Variants in SLC8A1 observed in about 807,000 individuals in gnomAD.
The protein encoded by SLC8A1 is solute carrier family 8 member A1, also known as sodium/calcium exchanger 1.
Under a neutral mutation model 68.3 loss-of-function variants are expected in SLC8A1, and 18 were observed. That is an observed-to-expected ratio of 0.26 (90% CI 0.18 to 0.39). The LOEUF (loss-of-function observed/expected upper bound fraction) is 0.39. SLC8A1 is among the 10% of genes least tolerant of loss of function. SLC8A1 has a pLI of 1.00. For synonymous variants in SLC8A1, 475 were observed against 415.5 expected, an observed-to-expected ratio of 1.14 and a Z score of -1.74; for missense variants, 985 against 1,156.7, an observed-to-expected ratio of 0.85 and a Z score of 2.15.
chr2:40,418,387 C>T (rs1217282688), intron 2 of SLC8A1, among the ~76,000 whole-genome samples: 2 of 152,248 alleles, frequency 1.3e-5, no homozygotes, highest in African/African-American at 4.8e-5. Flanking sequence ...AAGGGTTCTT[C>T]TTTGCATAAT....
At chr2:40,165,705 C>T (rs1056037953) in intron 4 of SLC8A1, among the ~76,000 whole-genome samples, 8 of 152,208 alleles carry the variant, frequency 5.3e-5, no homozygotes, top group Non-Finnish European at 1.2e-4. Flanking sequence ...CATGTGAGCA[C>T]AATTATTTCC....
chr2:40,276,942 C>T (rs754936112), intron 2 of SLC8A1, among the ~76,000 whole-genome samples: 2 of 152,062 alleles, frequency 1.3e-5, no homozygotes, highest in Admixed American at 6.6e-5. Context: ...AGGCTTGAGT[C>T]GAATGACCAA....
chr2:40,393,281 C>T (rs982506861), intron 2 of SLC8A1, among the ~76,000 whole-genome samples: 12 of 152,004 alleles, frequency 7.9e-5, no homozygotes, highest in African/African-American at 1.2e-4. Context: ...GGAAAAAAAT[C>T]CCAACAGCTA....
chr2:40,151,733 C>A (rs935529935), intron 6 of SLC8A1, among the ~76,000 whole-genome samples: 4 of 152,126 alleles, frequency 2.6e-5, no homozygotes, highest in African/African-American at 9.7e-5. Context: ...TAGTTATGAT[C>A]TTCCAGTTGC....
At chr2:40,304,693 C>T (rs2072233019) in intron 2 of SLC8A1, among the ~76,000 whole-genome samples, 1 of 152,138 alleles carries the variant, frequency 6.6e-6, no homozygotes, top group Admixed American at 6.5e-5. Context: ...TCATGTGCTG[C>T]CGTGTCTGCT....
chr2:40,126,486 G>A (rs1454118315), intron 7 of SLC8A1, among the ~76,000 whole-genome samples: 1 of 152,146 alleles, frequency 6.6e-6, no homozygotes, highest in African/African-American at 2.4e-5. Context: ...GCTGAGAACA[G>A]AGGTGGTAGG....
At chr2:40,494,713 C>A (rs1240686580) in intron 1 of SLC8A1, among the ~76,000 whole-genome samples, 2 of 124,236 alleles carry the variant, frequency 1.6e-5, no homozygotes, top group Non-Finnish European at 3.3e-5. Flanking sequence ...TTGTTTTGTT[C>A]CATTTTTTCT....
rs1676816599 is a variant in SLC8A1, at chr2:40,368,021, A to G, written c.1808+60452T>C. Among the ~76,000 whole-genome samples the G allele has an allele frequency of 2.0e-5, 3 of 152,090 alleles. No homozygotes were observed. In the South Asian group the frequency reaches 6.2e-4, roughly 31 times the overall value. ...AGGTCAAGTGTTTCAGCCTGTTAAC[A>G]ACATGTTGAATTTTTAATCTATCAT... On this transcript the variant is annotated intron_variant, in intron 2 of 7. Transcript: ENST00000406785.
At chr2:40,280,882 A>T (rs889322109) in intron 2 of SLC8A1, among the ~76,000 whole-genome samples, 1 of 152,236 alleles carries the variant, frequency 6.6e-6, no homozygotes, top group Non-Finnish European at 1.5e-5. Flanking sequence ...ACATGACTTC[A>T]GTTCTCTCAA....
At chr2:40,274,849 T>G (rs1198764368) in intron 2 of SLC8A1, among the ~76,000 whole-genome samples, 2 of 152,218 alleles carry the variant, frequency 1.3e-5, no homozygotes, top group Admixed American at 1.3e-4. Flanking sequence ...TCTCTCTCTG[T>G]AAATGGATAA....
rs553560511 is a variant in SLC8A1 at position 40,303,168 on chromosome 2, G to A, written c.1808+125305C>T. ...AAGTACAATTCTCAGCTGACCATAC[G>A]CTGCTATGTTCATTCAATTTAAAAA... On this transcript the variant is annotated intron_variant, in intron 2 of 7. Transcript: ENST00000406785. 7.4e-4 allele frequency among the ~76,000 whole-genome samples: 113 copies of A among 152,236 alleles called. 1 individual carries two copies. The highest frequency in any genetic ancestry group is 3.4e-3 in the Middle Eastern group (1 of 294).
chr2:40,293,121 A>G (rs2069642763), intron 2 of SLC8A1, among the ~76,000 whole-genome samples: 1 of 152,000 alleles, frequency 6.6e-6, no homozygotes, highest in African/African-American at 2.4e-5. Context: ...CTTTTCCTCC[A>G]CTGTTCATTT....
At chr2:40,195,806 T>A (rs2052865164) in intron 2 of SLC8A1, 1 of 152,076 alleles carries the variant, frequency 6.6e-6, no homozygotes, top group Non-Finnish European at 1.5e-5. Flanking sequence ...TCTCTGTATA[T>A]TTGTCATGCA....
intron 7 of SLC8A1, among the ~76,000 whole-genome samples, chr2:40,125,409 A>T (rs748792462): frequency 6.6e-6 from 1 of 152,122 alleles, no homozygotes; most frequent in African/African-American, 2.4e-5. Flanking sequence ...GTAAAAAGCA[A>T]CTTCACCCAC....
intron 6 of SLC8A1, among the ~76,000 whole-genome samples, chr2:40,159,525 C>T (rs551371424): frequency 2.6e-5 from 4 of 152,238 alleles, no homozygotes; most frequent in East Asian, 1.9e-4. Context: ...CTATTGGCTT[C>T]GTCAGCAGTT....
At chr2:40,506,348 T>TG (rs1250572277) in intron 1 of SLC8A1, among the ~76,000 whole-genome samples, 15 of 151,896 alleles carry the variant, frequency 9.9e-5, no homozygotes, top group Non-Finnish European at 1.9e-4. Context: ...AAACAAGTTT[T>TG]GGGGGCATAT....
At chr2:40,504,246 A>C (rs1417391318) in intron 1 of SLC8A1, among the ~76,000 whole-genome samples, 1 of 151,962 alleles carries the variant, frequency 6.6e-6, no homozygotes, top group Non-Finnish European at 1.5e-5. Context: ...AGGAAAACTG[A>C]ATATCCATAT....
At chr2:40,501,007 G>T (rs1453736086) in intron 1 of SLC8A1, among the ~76,000 whole-genome samples, 1 of 151,670 alleles carries the variant, frequency 6.6e-6, no homozygotes, top group South Asian at 2.1e-4. Flanking sequence ...TGTAATGTTC[G>T]AAAAACTCTC....
At chr2:40,107,530 A>G (rs1008332838) in exon 8 of SLC8A1, 5 of 152,310 alleles carry the variant, frequency 3.3e-5, no homozygotes, top group South Asian at 2.1e-4. Context: ...TAAAAAAGAA[A>G]GAAAAATAAA....
Sources: gnomAD v4.1 joint callset for allele counts (sites outside exome capture counted in the v4.1 genomes callset) on GRCh38, gnomAD v4.1.1 for gene constraint, MANE v1.5 for transcripts, NCBI Gene and HGNC (gene_info 2026-07-23, HGNC 2026-07-21) for gene names.